OGN: variants seen among roughly 807,000 people sequenced by gnomAD.
OGN encodes the protein mimecan.
In OGN, 19 loss-of-function variants were observed where a neutral mutation model predicts 30.8. That is an observed-to-expected ratio of 0.62 (90% confidence interval 0.43 to 0.90). OGN has a LOEUF of 0.90. OGN is among the 40% of genes least tolerant of loss of function. The pLI, the probability that OGN is intolerant of heterozygous loss-of-function variation, is 0.00. For synonymous variants in OGN, 126 were observed against 128.3 expected (o/e 0.98, Z 0.12); for missense variants, 283 against 349.7 (o/e 0.81, Z 1.52).
rs1333593192 is a variant in OGN, at chr9:92,384,752, T to C, written c.*868A>G. The C allele has an allele frequency of 6.6e-6, 1 of 152,066 alleles. No individual in the cohort carries two copies. The highest frequency in any genetic ancestry group is 1.9e-4 in the East Asian group (1 of 5,198). The allele number at this position is 152,066 out of a possible 1,614,324, so 9.4% of individuals were successfully genotyped here. A position where few individuals can be genotyped will look rare whatever the true frequency, so the allele number is the denominator to read the frequency against. On this transcript the variant is annotated 3_prime_UTR_variant, in exon 7 of 7. Coordinates refer to ENST00000375561, the MANE Select transcript of OGN (RefSeq NM_014057.5). ...GTTTTCATCTTATGCTTGAACTAAT[T>C]TATTGATGAGATTCTCATTTCTGTA...
intron 4 of OGN, among the ~76,000 whole-genome samples, chr9:92,390,596 G>GCA (rs1668133907): frequency 6.6e-6 from 1 of 152,074 alleles, no homozygotes; most frequent in South Asian, 2.1e-4. Context: ...GTGCGCGCGC[G>GCA]CGTACTTGCG....
At chr9:92,387,666 T>C (rs1393415287) in intron 5 of OGN, among the ~76,000 whole-genome samples, 1 of 152,232 alleles carries the variant, frequency 6.6e-6, no homozygotes, top group East Asian at 1.9e-4. Context: ...GTCTTCCCAG[T>C]GAGTCTCATT....
rs371372601 is a variant in OGN, at chr9:92,385,701, C to G, written c.816G>C (p.Leu272=). 1.9e-6 allele frequency: 3 copies of G among 1,613,982 alleles called. No individual in the cohort carries two copies. The highest frequency in any genetic ancestry group is 2.5e-6 in the Non-Finnish European group (3 of 1,179,988). ...YIRDRIEEIR[L]EGNPIVLGKH... ...TTCCCAGGACGATTGGATTGCCCTC[C>G]AGGCGTATCTCTTCAATGCGGTCCC... is the stretch of plus-strand genomic sequence containing the variant. Residue 272 remains leucine (L), a synonymous_variant, in exon 7 of 7, where the codon CTG becomes CTC. Coordinates refer to ENST00000375561, the MANE Select transcript of OGN (RefSeq NM_014057.5).
intron 5 of OGN, 138 bp downstream of exon 5, chr9:92,389,716 A>G (rs1588084993): frequency 4.9e-6 from 3 of 608,112 alleles, no homozygotes; most frequent in Non-Finnish European, 8.4e-6. Flanking sequence ...ATGGTTATTT[A>G]TTATGTAAAT....
chr9:92,390,597 C>CGCGCGT (rs2130895007), intron 4 of OGN, among the ~76,000 whole-genome samples: 1 of 149,146 alleles, frequency 6.7e-6, no homozygotes, highest in South Asian at 2.2e-4. Flanking sequence ...TGCGCGCGCG[C>CGCGCGT]GTACTTGCGT....
In OGN at chr9:92,389,898, A is replaced by G; in HGVS notation, c.586T>C (p.Tyr196His). The G allele has an allele frequency of 6.2e-7, 1 of 1,612,950 alleles. No individual in the cohort carries two copies. Among genetic ancestry groups the G allele is most frequent in the Non-Finnish European group, 8.5e-7 (1 of 1,179,446 alleles). The change falls in exon 5 of 7, where the codon TAC becomes CAC. Residue 196 changes from tyrosine to histidine, a missense_variant. By Grantham distance (83) the Tyr-to-His change is moderately conservative (BLOSUM62 2). Transcript: ENST00000375561. ...ATTCCCCTACTCTTGATTTTGTTGTATTTTGCATTAAATAAAGTGAGCTTG... is the reference window on the plus strand; with the variant it reads ...ATTCCCCTACTCTTGATTTTGTTGTGTTTTGCATTAAATAAAGTGAGCTTG... ...PPKLTLFNAKYNKIKSRGIKA... is the reference protein window; with the variant it reads ...PPKLTLFNAKHNKIKSRGIKA...
At position 92,393,228 on chromosome 9, in the gene OGN, C is replaced by T; in HGVS notation, c.285G>A (p.Leu95=). ...CAGAGCCACTTAAACAAACACACAG[C>T]AGACACGTGGGCATTTCTAAATTGG... ...KKENDEMPTC[L]LCVCLSGSVY... Residue 95 remains leucine (L), a synonymous_variant, in exon 4 of 7, where the codon CTG becomes CTA. Coordinates refer to ENST00000375561, the MANE Select transcript of OGN (RefSeq NM_014057.5). The T allele has an allele frequency of 6.3e-7, 1 of 1,591,338 alleles. No homozygotes were observed. Among genetic ancestry groups the T allele is most frequent in the Non-Finnish European group, 8.6e-7 (1 of 1,168,520 alleles).
chr9:92,393,943 T>G (rs1382517720), intron 3 of OGN, among the ~76,000 whole-genome samples: 1 of 152,224 alleles, frequency 6.6e-6, no homozygotes, highest in Non-Finnish European at 1.5e-5. Context: ...TGATAATATC[T>G]TTGGTCACTT....
chr9:92,399,408 G>A (rs1843018621), intron 3 of OGN, among the ~76,000 whole-genome samples: 1 of 151,886 alleles, frequency 6.6e-6, no homozygotes, highest in South Asian at 2.1e-4. Flanking sequence ...TTTTAAGAGT[G>A]CTTTATAAAT....
intron 3 of OGN, among the ~76,000 whole-genome samples, chr9:92,396,707 G>C (rs1842906871): frequency 6.6e-6 from 1 of 151,738 alleles, no homozygotes; most frequent in Non-Finnish European, 1.5e-5. Context: ...TGGGACTACA[G>C]GTTTGTGCCA....
chr9:92,398,076 A>G (rs922478711), intron 3 of OGN, among the ~76,000 whole-genome samples: 4 of 152,214 alleles, frequency 2.6e-5, no homozygotes, highest in Admixed American at 6.5e-5. Flanking sequence ...TGGCACACAT[A>G]TTAAGTAGTT....
rs1264317466 is a variant in OGN at position 92,384,628 on chromosome 9, T to G, written c.*992A>C. On this transcript the variant is annotated 3_prime_UTR_variant, in exon 7 of 7. Transcript: ENST00000375561. ...CAGTTTATCATGAGTAATCAGAAAG[T>G]GTTACTCAGAAGCTTTATTGTGAAT... 1 of 152,126 alleles carries G rather than the reference T, an allele frequency of 6.6e-6. No individual in the cohort carries two copies. The highest frequency in any genetic ancestry group is 1.5e-5 in the Non-Finnish European group (1 of 67,988). The allele number at this position is 152,126 out of a possible 1,614,324, so 9.4% of individuals were successfully genotyped here.
Position 92,403,976 on chromosome 9 carries a change from C to T in OGN, c.-75-494G>A, listed in dbSNP as rs543820559. On this transcript the variant is annotated intron_variant, in intron 1 of 6. Transcript: ENST00000375561. ...GGTACAGAATATAGGAAAAGCCATA[C>T]GTTTTTAATTTTCTTAGTTTTGTAA... 3.5e-4 allele frequency among the ~76,000 whole-genome samples: 53 copies of T among 152,084 alleles called. 2 individuals carry two copies. The highest frequency in any genetic ancestry group is 1.3e-3 in the African/African-American group (52 of 41,412).
At position 92,383,557 on chromosome 9, in the gene OGN, G is replaced by C. The variant is rs1330855869; in HGVS notation, c.*2063C>G. On this transcript the variant is annotated 3_prime_UTR_variant, in exon 7 of 7. Transcript: ENST00000375561. ...AATGAAACATTATGAATATAATGGA[G>C]ACAGCATATTTTTACTTTCTCTAAT... Among the ~76,000 whole-genome samples the C allele has an allele frequency of 6.6e-6, 1 of 151,908 alleles. No individual in the cohort carries two copies. The highest frequency in any genetic ancestry group is 1.9e-4 in the East Asian group (1 of 5,150).
intron 5 of OGN, 129 bp from the exon 6 acceptor site, chr9:92,386,425 A>G (rs1842424375): frequency 1.7e-6 from 1 of 604,544 alleles, no homozygotes; most frequent in Non-Finnish European, 3.0e-6. Flanking sequence ...GAATACATCA[A>G]TTATATCAAT....
upstream of OGN, chr9:92,404,693 A>C (rs1483093786): frequency 8.1e-7 from 1 of 1,238,336 alleles, no homozygotes; most frequent in Non-Finnish European, 1.0e-6. Flanking sequence ...CTAGGGTGAA[A>C]TGCAGTGTGT....
chr9:92,402,734 G>C (rs1284570567), intron 2 of OGN, among the ~76,000 whole-genome samples: 1 of 152,124 alleles, frequency 6.6e-6, no homozygotes, highest in East Asian at 1.9e-4. Context: ...TCAGTTTTTG[G>C]TACTGTATGT....
chr9:92,393,722 A>G (rs1267465574), intron 3 of OGN, among the ~76,000 whole-genome samples: 1 of 151,882 alleles, frequency 6.6e-6, no homozygotes, highest in African/African-American at 2.4e-5. Context: ...TACTTGTCAT[A>G]CCTCTTGGAA....
rs1251048575 is a variant in OGN, at chr9:92,383,881, A to T, written c.*1739T>A. On this transcript the variant is annotated 3_prime_UTR_variant, in exon 7 of 7. Transcript: ENST00000375561. ...TATCATAAAAATAATATAGGAATAC[A>T]TTATTTTTCTGAAAACTAGAAAGAT... 6.6e-6 allele frequency: 1 copy of T among 152,182 alleles called. No individual in the cohort carries two copies. The highest frequency in any genetic ancestry group is 6.5e-5 in the Admixed American group (1 of 15,284). The allele number at this position is 152,182 out of a possible 1,614,324, so 9.4% of individuals were successfully genotyped here. A position where few individuals can be genotyped will look rare whatever the true frequency, so the allele number is the denominator to read the frequency against.
Sources: gnomAD v4.1 joint callset for allele counts (sites outside exome capture counted in the v4.1 genomes callset) on GRCh38, gnomAD v4.1.1 for gene constraint, MANE v1.5 for transcripts, NCBI Gene and HGNC (gene_info 2026-07-23, HGNC 2026-07-21) for gene names.